The following CYLD variants were observed in gnomAD, a reference collection of about 807,000 sequenced individuals.
The protein encoded by CYLD is ubiquitin carboxyl-terminal hydrolase CYLD.
Under a neutral mutation model 104.5 loss-of-function variants are expected in CYLD, and 26 were observed. The ratio of observed to expected loss-of-function variants is 0.25; its 90% CI spans 0.18 to 0.35. CYLD has a LOEUF of 0.35. Among genes scored for constraint, CYLD ranks in the 10% least tolerant of loss-of-function variants. CYLD has a pLI of 1.00. For synonymous variants in CYLD, 385 were observed against 399.9 expected, an observed-to-expected ratio of 0.96 and a Z score of 0.45; for missense variants, 703 against 1,136.1, an observed-to-expected ratio of 0.62 and a Z score of 5.48.
At chr16:50,776,054 A>C (rs1179933522) in intron 6 of CYLD, 125 bp from the exon 7 acceptor site, 1 of 719,988 alleles carries the variant, frequency 1.4e-6, no homozygotes, top group East Asian at 2.6e-5. Context: ...TTTAAAAGGC[A>C]TTTGTAAAAC....
At position 50,800,590 on chromosome 16, in the gene CYLD, T is replaced by A. The variant is rs1972386920; in HGVS notation, c.*4082T>A. ...ATATTTTCTTCCCCTTTTATTTATT[T>A]AGAGGAAATTGAGATTCTAGGAGCC... On this transcript the variant is annotated 3_prime_UTR_variant, in exon 19 of 19. Coordinates refer to ENST00000427738, the MANE Select transcript of CYLD (RefSeq NM_001378743.1). 4.3e-6 allele frequency: 1 copy of A among 232,638 alleles called. No homozygotes were observed. The highest frequency in any genetic ancestry group is 2.2e-5 in the African/African-American group (1 of 45,302). The allele number at this position is 232,638 out of a possible 1,614,324, so 14.4% of individuals were successfully genotyped here.
chr16:50,781,313 A>G lies in CYLD; in HGVS notation c.1586A>G (p.Lys529Arg). Residue 529 changes from lysine to arginine, a missense_variant, in exon 10 of 19, where the codon AAG becomes AGG. By Grantham distance (26) the Lys-to-Arg change is conservative (BLOSUM62 2). Coordinates refer to ENST00000427738, the MANE Select transcript of CYLD (RefSeq NM_001378743.1). ...ACTCGGTATTTCACCTGTGCCCTGA[A>G]GAAGGCGCTGTTTGTGAAACTGAAG... ...RGTRYFTCAL[K>R]KALFVKLKSC... 6.2e-7 allele frequency: 1 copy of G among 1,614,008 alleles called. No individual in the cohort carries two copies. The highest frequency in any genetic ancestry group is 2.2e-5 in the East Asian group (1 of 44,884).
chr16:50,753,008 G>C (rs760664150), intron 4 of CYLD, among the ~76,000 whole-genome samples: 27 of 152,162 alleles, frequency 1.8e-4, no homozygotes, highest in Non-Finnish European at 3.4e-4. Flanking sequence ...GATGTGAGTA[G>C]TAATCTCTTA....
chr16:50,772,579 T>G (rs998829822), intron 5 of CYLD, among the ~76,000 whole-genome samples: 1 of 152,234 alleles, frequency 6.6e-6, no homozygotes, highest in Non-Finnish European at 1.5e-5. Context: ...TGTACCATAA[T>G]TTTTGAACCA....
chr16:50,756,474 T>G (rs1967253576), intron 5 of CYLD, among the ~76,000 whole-genome samples: 1 of 152,172 alleles, frequency 6.6e-6, no homozygotes, highest in South Asian at 2.1e-4. Flanking sequence ...AACTTTACAT[T>G]TAGAAGAAAA....
intron 3 of CYLD, among the ~76,000 whole-genome samples, chr16:50,750,497 T>C (rs1966530259): frequency 6.6e-6 from 1 of 152,126 alleles, no homozygotes; most frequent in Non-Finnish European, 1.5e-5. Flanking sequence ...ATATTCATTC[T>C]TGAGAACTTA....
intron 4 of CYLD, 97 bp downstream of exon 4, chr16:50,752,003 T>A: frequency 2.9e-6 from 1 of 342,842 alleles, no homozygotes; most frequent in Non-Finnish European, 4.6e-6. Flanking sequence ...CACATATATA[T>A]ACACACATAT....
chr16:50,761,458 T>C (rs1967915200), intron 5 of CYLD, among the ~76,000 whole-genome samples: 2 of 152,214 alleles, frequency 1.3e-5, no homozygotes, highest in African/African-American at 2.4e-5. Flanking sequence ...GGTTCCTCTT[T>C]CCCTCCAGCC....
At chr16:50,769,346 C>T (rs73584459) in intron 5 of CYLD, among the ~76,000 whole-genome samples, 15,638 of 152,144 alleles carry the variant, frequency 0.1, 2,607 homozygotes, top group African/African-American at 0.36. Flanking sequence ...CATATCTTTG[C>T]CAACACTTGG....
intron 4 of CYLD, 85 bp downstream of exon 4, chr16:50,751,991 C>A (rs57988572): frequency 1.0e-5 from 1 of 99,892 alleles, no homozygotes; most frequent in Non-Finnish European, 1.5e-5. Context: ...CATATATATA[C>A]ACACATATAT....
intron 5 of CYLD, among the ~76,000 whole-genome samples, chr16:50,765,896 C>T (rs1968457261): frequency 2.0e-5 from 3 of 152,150 alleles, no homozygotes; most frequent in Admixed American, 2.0e-4. Context: ...AAGTTGGAAG[C>T]TCGCACAGGT....
chr16:50,771,089 A>G (rs993009452), intron 5 of CYLD, among the ~76,000 whole-genome samples: 5 of 152,154 alleles, frequency 3.3e-5, no homozygotes, highest in African/African-American at 1.2e-4. Flanking sequence ...GAAATGTAAT[A>G]TGTTGTGCAA....
chr16:50,793,832 G>A (rs2151036638), intron 17 of CYLD, among the ~76,000 whole-genome samples, 168 bp downstream of exon 17: 1 of 152,150 alleles, frequency 6.6e-6, no homozygotes, highest in East Asian at 1.9e-4. Flanking sequence ...AGAGCTGTTG[G>A]TGAAGTACTT....
rs978073505 is a variant in CYLD, at chr16:50,750,327, T to G, written c.504+125T>G. On this transcript the variant is annotated intron_variant, in intron 3 of 18. Transcript: ENST00000427738. ...AATTTTCCCAAGAGTCTTCTGTAAT[T>G]TTTAATATTCATCATCCTTGCTGAT... 71 of 1,129,648 alleles carry G rather than the reference T, an allele frequency of 6.3e-5. No homozygotes were observed. The African/African-American group carries it at 1.0e-3, about 16-fold the overall frequency. The allele number at this position is 1,129,648 out of a possible 1,614,324, so 70.0% of individuals were successfully genotyped here. A position where few individuals can be genotyped will look rare whatever the true frequency, so the allele number is the denominator to read the frequency against.
chr16:50,759,778 A>G (rs569593584), intron 5 of CYLD, among the ~76,000 whole-genome samples: 1 of 152,322 alleles, frequency 6.6e-6, no homozygotes, highest in Non-Finnish European at 1.5e-5. Flanking sequence ...CAGCTGAGAA[A>G]TGGTATCTCA....
intron 4 of CYLD, among the ~76,000 whole-genome samples, chr16:50,752,396 T>C (rs1229221370): frequency 2.0e-5 from 3 of 152,170 alleles, no homozygotes; most frequent in Admixed American, 2.0e-4. Flanking sequence ...TTTTAATAAT[T>C]AGTATAATAA....
At chr16:50,780,176 C>T in intron 9 of CYLD, 132 bp downstream of exon 9, 1 of 1,148,922 alleles carries the variant, frequency 8.7e-7, no homozygotes, top group Admixed American at 1.9e-5. Flanking sequence ...AATTTTCTCA[C>T]CATGTTTTCT....
At chr16:50,775,008 GA>G (rs1969526211) in intron 5 of CYLD, among the ~76,000 whole-genome samples, 157 bp from the exon 6 acceptor site, 1 of 152,062 alleles carries the variant, frequency 6.6e-6, no homozygotes, top group South Asian at 2.1e-4. Flanking sequence ...TTCAACCATG[GA>G]AAAAAGTTAC....
At chr16:50,784,611 C>CT (rs1970620717) in intron 12 of CYLD, 160 bp downstream of exon 12, 1 of 731,526 alleles carries the variant, frequency 1.4e-6, no homozygotes, top group Non-Finnish European at 2.2e-6. Flanking sequence ...GGTCCTTGTA[C>CT]TTTTTTGCTT....
Sources: allele counts gnomAD v4.1 joint callset (sites outside exome capture counted in the v4.1 genomes callset), GRCh38; gene constraint gnomAD v4.1.1; transcripts MANE v1.5; gene names NCBI Gene and HGNC (gene_info 2026-07-23, HGNC 2026-07-21).